SLITRK5: variants seen among roughly 807,000 people sequenced by gnomAD.
The protein encoded by SLITRK5 is SLIT and NTRK-like protein 5.
SLITRK5 carries 23 observed loss-of-function variants against 56.2 expected under a neutral mutation model. The ratio of observed to expected loss-of-function variants is 0.41; its 90% CI spans 0.29 to 0.58. SLITRK5 has a LOEUF of 0.58. Among genes scored for constraint, SLITRK5 ranks in the 20% least tolerant of loss-of-function variants. The pLI, the probability that SLITRK5 is intolerant of heterozygous loss-of-function variation, is 0.30. For synonymous variants in SLITRK5, 637 were observed against 531.8 expected, an observed-to-expected ratio of 1.20 and a Z score of -2.72; for missense variants, 1,289 against 1,226.6, an observed-to-expected ratio of 1.05 and a Z score of -0.76.
In SLITRK5 at chr13:87,675,741, A is replaced by T. The variant is rs767348694; in HGVS notation, c.353A>T (p.Gln118Leu). The T allele has an allele frequency of 6.2e-7, 1 of 1,614,186 alleles. No individual in the cohort carries two copies. Among genetic ancestry groups the T allele is most frequent in the Non-Finnish European group, 8.5e-7 (1 of 1,180,048 alleles). The change falls in exon 2 of 2, where the codon CAG (glutamine) becomes CTG (leucine). Residue 118 changes from glutamine (Q) to leucine (L), a missense_variant. By Grantham distance (113) the Gln-to-Leu change is moderately radical (BLOSUM62 -2). This residue lies in a region of SLITRK5 where 291 missense variants were observed against 286.7 expected (regional missense o/e 1.02). Transcript: ENST00000683689. ...TTGCATCTAGGTAGCAATGTTATCCAGGACATTGAGACCGGGGCTTTCCAT... is the reference window on the plus strand; with the variant it reads ...TTGCATCTAGGTAGCAATGTTATCCTGGACATTGAGACCGGGGCTTTCCAT... ...SILHLGSNVI[Q>L]DIETGAFHGL...
rs536959751 is a variant in SLITRK5 at position 87,671,568 on chromosome 13, T to C, written c.-650T>C. ...GACGCAACTTTCTCGGAGTTTTTTT[T>C]AGAGCCACCGGGCTGCCAGGACAAG... On this transcript the variant is annotated 5_prime_UTR_variant, in exon 1 of 2. Coordinates refer to ENST00000683689, the MANE Select transcript of SLITRK5 (RefSeq NM_001384609.1). 1.3e-5 allele frequency among the ~76,000 whole-genome samples: 2 copies of C among 151,970 alleles called. No individual in the cohort carries two copies. The highest frequency in any genetic ancestry group is 1.3e-4 in the Admixed American group (2 of 15,280).
chr13:87,673,598 G>T lies in SLITRK5; in HGVS notation c.-9+1389G>T, dbSNP rs749387757. The T allele has an allele frequency of 6.0e-5, 65 of 1,087,098 alleles. 1 individual carries two copies. In the South Asian group the frequency reaches 6.6e-4, roughly 11 times the overall value. 67.3% of individuals were successfully genotyped at this position (1,087,098 alleles called of 1,614,324 possible). A position where few individuals can be genotyped will look rare whatever the true frequency, so the allele number is the denominator to read the frequency against. On this transcript the variant is annotated intron_variant, in intron 1 of 1. Transcript: ENST00000683689. ...AGGTAAACGTTTTGCTTTCACTGGG[G>T]TGGGGATGTTTTTGCCGCTTTTAAG...
rs765983631 is a variant in SLITRK5, at chr13:87,677,772, AGCAGCAGCCGCCGCCGCCACC to A, written c.2394_2414del (p.Pro799_Pro805del). On this transcript the variant is annotated inframe_deletion, in exon 2 of 2. Transcript: ENST00000683689. The surrounding 1 kb of genome is among the most constrained non-coding windows in gnomAD (Gnocchi z 4.7). The stretch of plus-strand genomic sequence containing the variant: ...AGCAGCAACCACCACCTGCAGCAGC[AGCAGCAGCCGCCGCCGCCACC>A]GCAGCAGCCACAGCAGCAGCCCCCG... 29 of 1,610,300 alleles carry A rather than the reference AGCAGCAGCCGCCGCCGCCACC, an allele frequency of 1.8e-5. No individual in the cohort carries two copies. The highest frequency in any genetic ancestry group is 6.8e-6 in the Non-Finnish European group (8 of 1,178,504).
intron 1 of SLITRK5, chr13:87,673,592 ACT>A (rs1877139195): frequency 4.4e-6 from 5 of 1,136,032 alleles, no homozygotes; most frequent in Non-Finnish European, 5.9e-6. Context: ...TTTTGCTTTC[ACT>A]GGGGTGGGGA....
intron 1 of SLITRK5, chr13:87,673,536 A>G: frequency 1.6e-6 from 2 of 1,282,054 alleles, no homozygotes; most frequent in Non-Finnish European, 2.0e-6. Flanking sequence ...CGCTGAATGG[A>G]TGTGCGGATT....
At chr13:87,673,018 C>T (rs910479551) in intron 1 of SLITRK5, among the ~76,000 whole-genome samples, 1 of 151,042 alleles carries the variant, frequency 6.6e-6, no homozygotes, top group Non-Finnish European at 1.5e-5. Flanking sequence ...CGTCCTGGAA[C>T]TCCGGGTGCT....
intron 1 of SLITRK5, 103 bp from the exon 2 acceptor site, chr13:87,675,278 T>C: frequency 1.3e-6 from 1 of 742,172 alleles, no homozygotes; most frequent in Non-Finnish European, 2.3e-6. Context: ...CTCTTCCTTT[T>C]GGGTTTTAGA....
At position 87,678,078 on chromosome 13, in the gene SLITRK5, G is replaced by A. The variant is rs1302557415; in HGVS notation, c.2690G>A (p.Arg897His). ...TTCTCCCCCAACTATGACCTGAGAC[G>A]CCCCCATCAGTATTTGCACCCGGGG... ...YTFSPNYDLR[R>H]PHQYLHPGAG... Residue 897 changes from arginine to histidine, a missense_variant, in exon 2 of 2, where the codon CGC becomes CAC. This residue lies in a region of SLITRK5 where 985 missense variants were observed against 906.0 expected (regional missense o/e 1.09). Transcript: ENST00000683689. 6.2e-7 allele frequency: 1 copy of A among 1,614,110 alleles called. No homozygotes were observed. Among genetic ancestry groups the A allele is most frequent in the South Asian group, 1.1e-5 (1 of 91,072 alleles).
intron 1 of SLITRK5, among the ~76,000 whole-genome samples, 141 bp downstream of exon 1, chr13:87,672,350 T>TGGCGGGGCC (rs1478170997): frequency 6.6e-6 from 1 of 152,008 alleles, no homozygotes. Context: ...ACCGTCACGT[T>TGGCGGGGCC]GGCGGGGCCG....
At position 87,677,343 on chromosome 13, in the gene SLITRK5, T is replaced by G. The variant is rs959694402; in HGVS notation, c.1955T>G (p.Leu652Trp). 1.2e-6 allele frequency: 2 copies of G among 1,613,988 alleles called. No homozygotes were observed. Among genetic ancestry groups the G allele is most frequent in the Non-Finnish European group, 1.7e-6 (2 of 1,179,962 alleles). The change falls in exon 2 of 2, where the codon TTG (leucine) becomes TGG (tryptophan). Residue 652 changes from leucine (L) to tryptophan (W), a missense_variant. Coordinates refer to ENST00000683689, the MANE Select transcript of SLITRK5 (RefSeq NM_001384609.1). The surrounding 1 kb of genome is among the most constrained non-coding windows in gnomAD (Gnocchi z 4.7). Reference protein sequence around the residue: ...RLNSTGAPASLGAGGGASSVP... With the variant: ...RLNSTGAPASWGAGGGASSVP... ...AATAGCACCGGGGCCCCCGCGAGCT[T>G]GGGCGCAGGCGGAGGGGCGTCGTCG...
intron 1 of SLITRK5, among the ~76,000 whole-genome samples, chr13:87,672,984 C>T (rs1862137591): frequency 7.4e-6 from 1 of 135,042 alleles, no homozygotes; most frequent in Non-Finnish European, 1.6e-5. Flanking sequence ...CTCTTTGGGG[C>T]GGGGTGGGGG....
chr13:87,676,669 A>G lies in SLITRK5; in HGVS notation c.1281A>G (p.Thr427=). 2 of 1,614,092 alleles carry G rather than the reference A, an allele frequency of 1.2e-6. No individual in the cohort carries two copies. The highest frequency in any genetic ancestry group is 1.7e-6 in the Non-Finnish European group (2 of 1,180,040). Residue 427 remains threonine (T), a synonymous_variant, in exon 2 of 2, where the codon ACA becomes ACG. Transcript: ENST00000683689. The part of the protein sequence containing the change: ...TENYIAVVRR[T]DFLEATGLDL... Reference sequence around the variant, plus strand: ...ACTACATCGCTGTCGTGCGCAGGACAGACTTCCTGGAGGCCACGGGGCTGG... The same window carrying G: ...ACTACATCGCTGTCGTGCGCAGGACGGACTTCCTGGAGGCCACGGGGCTGG...
At chr13:87,675,054 T>G (rs1877208902) in intron 1 of SLITRK5, among the ~76,000 whole-genome samples, 1 of 151,584 alleles carries the variant, frequency 6.6e-6, no homozygotes, top group South Asian at 2.1e-4. Context: ...TGACAGCCAT[T>G]TTATGTATAT....
rs776874254 is a variant in SLITRK5 at position 87,675,595 on chromosome 13, G to C, written c.207G>C (p.Gly69=). Residue 69 remains glycine (G), a synonymous_variant, in exon 2 of 2, where the codon GGG becomes GGC. Transcript: ENST00000683689. ...GILTVSCENR[G]IISLSEISPP... ...TAACTGTGAGCTGTGAAAACCGGGG[G>C]ATCATCAGTCTCTCTGAAATTAGCC... 2 of 1,614,040 alleles carry C rather than the reference G, an allele frequency of 1.2e-6. No individual in the cohort carries two copies. The highest frequency in any genetic ancestry group is 3.3e-5 in the Admixed American group (2 of 60,006).
In SLITRK5 at chr13:87,676,839, A is replaced by T; in HGVS notation, c.1451A>T (p.Gln484Leu). Reference sequence around the variant, plus strand: ...TTATTCTATGGCCTGCAGAGCCTGCAGTATCTCTTCCTCCAGTACAATCTC... The same window carrying T: ...TTATTCTATGGCCTGCAGAGCCTGCTGTATCTCTTCCTCCAGTACAATCTC... ...PELFYGLQSL[Q>L]YLFLQYNLIR... The change falls in exon 2 of 2, where the codon CAG becomes CTG. Residue 484 changes from glutamine (Q) to leucine (L), a missense_variant. Gln to Leu is a moderately radical substitution (Grantham distance 113). Transcript: ENST00000683689. 6.2e-7 allele frequency: 1 copy of T among 1,614,120 alleles called. No individual in the cohort carries two copies. The highest frequency in any genetic ancestry group is 8.5e-7 in the Non-Finnish European group (1 of 1,180,020).
At chr13:87,673,176 T>A (rs1306021345) in intron 1 of SLITRK5, among the ~76,000 whole-genome samples, 1 of 150,224 alleles carries the variant, frequency 6.7e-6, no homozygotes, top group Admixed American at 6.6e-5. Flanking sequence ...AGAAAATGAA[T>A]AGTTCCCCCG....
rs1216454901 is a variant in SLITRK5, at chr13:87,675,503, G to A, written c.115G>A (p.Glu39Lys). 2.7e-5 allele frequency: 43 copies of A among 1,614,078 alleles called. No homozygotes were observed. The highest frequency in any genetic ancestry group is 3.5e-5 in the Non-Finnish European group (41 of 1,180,048). The change falls in exon 2 of 2, where the codon GAA (glutamate) becomes AAA (lysine). Residue 39 changes from glutamate (E) to lysine (K), a missense_variant. Physicochemically the swap from Glu to Lys is moderately conservative, Grantham distance 56 (BLOSUM62 1). This residue lies in a region of SLITRK5 where 291 missense variants were observed against 286.7 expected (regional missense o/e 1.02). Coordinates refer to ENST00000683689, the MANE Select transcript of SLITRK5 (RefSeq NM_001384609.1). Reference protein sequence around the residue: ...AVTSLVLSCAETIDYYGEICD... With the variant: ...AVTSLVLSCAKTIDYYGEICD... ...AACATCTCTCGTCCTTTCGTGTGCA[G>A]AAACCATCGATTATTATGGGGAAAT...
In SLITRK5 at chr13:87,673,271, C is replaced by T. The variant is rs565333879; in HGVS notation, c.-9+1062C>T. ...AATTTGCATCGGAGGTGCGTTTCCC[C>T]GTCAGAATGTCAGCCTCCCCAGGCT... On this transcript the variant is annotated intron_variant, in intron 1 of 1. Coordinates refer to ENST00000683689, the MANE Select transcript of SLITRK5 (RefSeq NM_001384609.1). 9.9e-5 allele frequency among the ~76,000 whole-genome samples: 15 copies of T among 151,748 alleles called. No individual in the cohort carries two copies. In the East Asian group the frequency reaches 2.5e-3, roughly 26 times the overall value.
intron 1 of SLITRK5, chr13:87,673,399 C>G (rs936070938): frequency 2.3e-6 from 1 of 426,196 alleles, no homozygotes; most frequent in Non-Finnish European, 4.5e-6. Context: ...CTAACTAGAA[C>G]TGAATTAAAG....
Sources: gnomAD v4.1 joint callset for allele counts (sites outside exome capture counted in the v4.1 genomes callset) on GRCh38, gnomAD v4.1.1 for gene constraint, gnomAD v4.1.1 regional missense constraint, Gnocchi (gnomAD v3.1) non-coding constraint, MANE v1.5 for transcripts, NCBI Gene and HGNC (gene_info 2026-07-23, HGNC 2026-07-21) for gene names.